DNAI3: variants seen among roughly 807,000 people sequenced by gnomAD.
DNAI3 encodes dynein axonemal intermediate chain 3.
DNAI3 carries 83 observed loss-of-function variants against 115.5 expected under a neutral mutation model. The observed-to-expected ratio is 0.72, with a 90% CI of 0.60 to 0.86. DNAI3 has a LOEUF of 0.86. Ranked by LOEUF, DNAI3 falls within the 40% of genes least tolerant of loss-of-function variation. The probability of loss-of-function intolerance (pLI) is 0.00; values close to 1 mark genes in which losing one functional copy is unlikely to be tolerated. For missense variants in DNAI3, 1,004 were observed against 1,075.8 expected (o/e 0.93, Z 0.93); for synonymous variants, 320 against 347.0 (o/e 0.92, Z 0.86).
intron 15 of DNAI3, among the ~76,000 whole-genome samples, chr1:85,109,121 GTTGT>G (rs1453475237): frequency 6.6e-6 from 1 of 152,166 alleles, no homozygotes; most frequent in African/African-American, 2.4e-5. Flanking sequence ...TGAATGAGAA[GTTGT>G]TTGTATTTAT....
intron 17 of DNAI3, among the ~76,000 whole-genome samples, chr1:85,121,311 G>T (rs1655987957): frequency 6.6e-6 from 1 of 152,184 alleles, no homozygotes; most frequent in South Asian, 2.1e-4. Context: ...AACCTGAAAA[G>T]TAGTAATTAC....
intron 1 of DNAI3, among the ~76,000 whole-genome samples, chr1:85,069,052 C>A (rs568437519): frequency 1.3e-5 from 2 of 152,178 alleles, no homozygotes; most frequent in Non-Finnish European, 1.5e-5. Flanking sequence ...TGTTTGTTAC[C>A]GTATGTCACT....
intron 18 of DNAI3, 74 bp from the exon 19 acceptor site, chr1:85,124,047 G>A: frequency 6.3e-7 from 1 of 1,591,810 alleles, no homozygotes; most frequent in South Asian, 1.1e-5. Flanking sequence ...GTCCATTGGA[G>A]GTCTGTCCAT....
At chr1:85,116,388 G>T (rs1046202718) in intron 16 of DNAI3, among the ~76,000 whole-genome samples, 1 of 152,042 alleles carries the variant, frequency 6.6e-6, no homozygotes, top group Non-Finnish European at 1.5e-5. Flanking sequence ...ATTATCAGTT[G>T]TAACCCTATA....
At chr1:85,102,819 T>C (rs774421293) in intron 13 of DNAI3, among the ~76,000 whole-genome samples, 4 of 152,196 alleles carry the variant, frequency 2.6e-5, no homozygotes, top group Non-Finnish European at 5.9e-5. Context: ...TGGAAGAGAA[T>C]ATACGGGAGA....
At chr1:85,075,355 G>T (rs992280423) in intron 3 of DNAI3, among the ~76,000 whole-genome samples, 1 of 152,282 alleles carries the variant, frequency 6.6e-6, no homozygotes, top group South Asian at 2.1e-4. Flanking sequence ...TGATAAAGGG[G>T]CACAGTTTGA....
intron 15 of DNAI3, among the ~76,000 whole-genome samples, chr1:85,109,791 G>T (rs1655597796): frequency 6.6e-6 from 1 of 152,112 alleles, no homozygotes; most frequent in South Asian, 2.1e-4. Flanking sequence ...TTTTCAGAAA[G>T]AAAATGACAC....
At chr1:85,098,344 C>A (rs1279931674) in intron 12 of DNAI3, among the ~76,000 whole-genome samples, 186 bp from the exon 13 acceptor site, 1 of 152,034 alleles carries the variant, frequency 6.6e-6, no homozygotes, top group Non-Finnish European at 1.5e-5. Context: ...AGTCTTAGAC[C>A]AAACTGAAGG....
rs746100078 is a variant in DNAI3 at position 85,084,695 on chromosome 1, G to T, written c.540G>T (p.Gln180His). Residue 180 changes from glutamine to histidine, a missense_variant and splice_region_variant, in exon 6 of 23, where the codon CAG becomes CAT. This residue lies in a region of DNAI3 where 550 missense variants were observed against 568.1 expected (regional missense o/e 0.97). Transcript: ENST00000294664. ...EEESVTESTKQITYMISRKRS... is the reference protein window; with the variant it reads ...EEESVTESTKHITYMISRKRS... The stretch of plus-strand genomic sequence containing the variant: ...AATCAGTTACGGAATCTACAAAGCA[G>T]GTTAGAGGGTTATATATGATCTGTA... 1 of 1,500,608 alleles carries T rather than the reference G, an allele frequency of 6.7e-7. No individual in the cohort carries two copies. Among genetic ancestry groups the T allele is most frequent in the South Asian group, 1.4e-5 (1 of 71,112 alleles). The allele number at this position is 1,500,608 out of a possible 1,614,324, so 93.0% of individuals were successfully genotyped here. A position where few individuals can be genotyped will look rare whatever the true frequency, so the allele number is the denominator to read the frequency against.
intron 9 of DNAI3, 60 bp from the exon 10 acceptor site, chr1:85,094,371 A>T: frequency 6.2e-7 from 1 of 1,600,864 alleles, no homozygotes; most frequent in Non-Finnish European, 8.5e-7. Flanking sequence ...AGCAAAAGCT[A>T]GAGACATCTC....
chr1:85,110,309 G>A (rs1372762409), intron 16 of DNAI3, among the ~76,000 whole-genome samples, 174 bp downstream of exon 16: 2 of 151,832 alleles, frequency 1.3e-5, no homozygotes, highest in Non-Finnish European at 2.9e-5. Flanking sequence ...AAATTAGCCG[G>A]GCTTAGTGGC....
intron 7 of DNAI3, among the ~76,000 whole-genome samples, chr1:85,089,648 A>T (rs1654909145): frequency 6.6e-6 from 1 of 151,932 alleles, no homozygotes; most frequent in South Asian, 2.1e-4. Flanking sequence ...CATCCCTGGG[A>T]TCTATTCACT....
chr1:85,121,493 A>T (rs1655993526), intron 17 of DNAI3, among the ~76,000 whole-genome samples: 2 of 152,248 alleles, frequency 1.3e-5, no homozygotes. Context: ...ATTGTCCCAG[A>T]TGGAGTATCT....
At chr1:85,062,875 G>T (rs12755558) in intron 1 of DNAI3, among the ~76,000 whole-genome samples, 24,245 of 152,166 alleles carry the variant, frequency 0.16, 2,606 homozygotes, top group Middle Eastern at 0.29. Flanking sequence ...CCGTCTAGGG[G>T]CGGGGGTCAA....
intron 22 of DNAI3, among the ~76,000 whole-genome samples, chr1:85,131,458 A>C (rs1000650433): frequency 6.7e-6 from 1 of 148,658 alleles, no homozygotes. Context: ...AAAAAAAAAA[A>C]AAAAATAAAG....
chr1:85,117,824 G>C lies in DNAI3; in HGVS notation c.1882G>C (p.Asp628His). 1 of 1,613,758 alleles carries C rather than the reference G, an allele frequency of 6.2e-7. No individual in the cohort carries two copies. Among genetic ancestry groups the C allele is most frequent in the Non-Finnish European group, 8.5e-7 (1 of 1,179,710 alleles). ...SGMANLLKPI[D>H]DFCTKFFVGT... ...GATGGCCAATCTTCTCAAGCCAATA[G>C]ATGACTTCTGCACAAAGTTCTTTGT... The change falls in exon 17 of 23, where the codon GAT (aspartate) becomes CAT (histidine). Residue 628 changes from aspartate to histidine, a missense_variant. Asp to His is a moderately conservative substitution (Grantham distance 81). Around this residue, in one of 3 missense-constraint regions of DNAI3, gnomAD observed 429 missense variants for 454.3 expected, o/e 0.94. Coordinates refer to ENST00000294664, the MANE Select transcript of DNAI3 (RefSeq NM_145172.5).
chr1:85,072,095 G>A (rs1226184412), intron 2 of DNAI3, 90 bp downstream of exon 2: 4 of 1,230,382 alleles, frequency 3.3e-6, no homozygotes, highest in African/African-American at 3.1e-5. Context: ...CATATCAAAT[G>A]AAATAAAATA....
At position 85,082,340 on chromosome 1, in the gene DNAI3, A is replaced by C. The variant is rs748616259; in HGVS notation, c.326A>C (p.Asp109Ala). 4 of 1,613,804 alleles carry C rather than the reference A, an allele frequency of 2.5e-6. No individual in the cohort carries two copies. Among genetic ancestry groups the C allele is most frequent in the Non-Finnish European group, 3.4e-6 (4 of 1,179,938 alleles). Residue 109 changes from aspartate to alanine, a missense_variant, in exon 5 of 23, where the codon GAC becomes GCC. This residue lies in a region of DNAI3 where 550 missense variants were observed against 568.1 expected (regional missense o/e 0.97). Transcript: ENST00000294664. Reference protein sequence around the residue: ...GNELLLVYDKDFKYGLNFYLI... With the variant: ...GNELLLVYDKAFKYGLNFYLI... Reference sequence around the variant, plus strand: ...GAGCTTCTGCTTGTTTATGACAAAGACTTCAAATATGGACTTAACTTTTAT... The same window carrying C: ...GAGCTTCTGCTTGTTTATGACAAAGCCTTCAAATATGGACTTAACTTTTAT...
Position 85,081,244 on chromosome 1 carries a change from A to C in DNAI3, c.114A>C (p.Glu38Asp), listed in dbSNP as rs189167401. ...PVNMESMGHP[E>D]IYPLVLTTKT... The stretch of plus-strand genomic sequence containing the variant: ...CTTTGTCTTTCCTAGGTCATCCAGA[A>C]ATTTATCCTTTAGTATTAACCACCA... The change falls in exon 4 of 23, where the codon GAA becomes GAC. Residue 38 changes from glutamate (E) to aspartate (D), a missense_variant. Glu to Asp is a conservative substitution (Grantham distance 45). Coordinates refer to ENST00000294664, the MANE Select transcript of DNAI3 (RefSeq NM_145172.5). The C allele has an allele frequency of 2.5e-6, 4 of 1,578,952 alleles. No homozygotes were observed. The East Asian group carries it at 6.9e-5, about 27-fold the overall frequency.
Sources: gnomAD v4.1 joint callset for allele counts (sites outside exome capture counted in the v4.1 genomes callset) on GRCh38, gnomAD v4.1.1 for gene constraint, gnomAD v4.1.1 regional missense constraint, MANE v1.5 for transcripts, NCBI Gene and HGNC (gene_info 2026-07-23, HGNC 2026-07-21) for gene names.